The following ADAMTS20 variants were observed in gnomAD, a reference collection of about 807,000 sequenced individuals.
ADAMTS20 encodes the protein ADAM metallopeptidase with thrombospondin type 1 motif 20.
A neutral mutation model predicts 260.1 loss-of-function variants in ADAMTS20; 225 were observed. The observed-to-expected ratio is 0.87, with a 90% CI of 0.78 to 0.97. The LOEUF is 0.97. ADAMTS20 is among the 50% of genes least tolerant of loss of function. The pLI is 0.00. For synonymous variants in ADAMTS20, 802 were observed against 769.5 expected (o/e 1.04, Z -0.70); for missense variants, 2,400 against 2,337.7 (o/e 1.03, Z -0.55).
intron 28 of ADAMTS20, among the ~76,000 whole-genome samples, chr12:43,419,329 A>C (rs940908546): frequency 5.9e-5 from 9 of 152,130 alleles, no homozygotes; most frequent in Non-Finnish European, 8.8e-5. Flanking sequence ...ATTCCTAACA[A>C]GGAATAAACA....
At chr12:43,541,544 C>A (rs1943376857) in intron 2 of ADAMTS20, among the ~76,000 whole-genome samples, 1 of 152,126 alleles carries the variant, frequency 6.6e-6, no homozygotes, top group South Asian at 2.1e-4. Flanking sequence ...TAATCGAAGA[C>A]CACAAATATG....
At position 43,429,633 on chromosome 12, in the gene ADAMTS20, T is replaced by C. The variant is rs1941401086; in HGVS notation, c.3473A>G (p.His1158Arg). ...TTCACTTACTGGGGTCCAAGAACCA[T>C]GTCGCCATTGTGCCATCTTTTTTAT... ...VLIKKMAQWRHGSWTPCSVSC... is the reference protein window; with the variant it reads ...VLIKKMAQWRRGSWTPCSVSC... Residue 1158 changes from histidine (H) to arginine (R), a missense_variant, in exon 24 of 39, where the codon CAT (histidine) becomes CGT (arginine). Coordinates refer to ENST00000389420, the MANE Select transcript of ADAMTS20 (RefSeq NM_025003.5). The C allele has an allele frequency of 6.3e-7, 1 of 1,595,554 alleles. No homozygotes were observed. The highest frequency in any genetic ancestry group is 8.5e-7 in the Non-Finnish European group (1 of 1,170,070).
chr12:43,404,417 T>C (rs564986949), intron 28 of ADAMTS20, among the ~76,000 whole-genome samples: 1 of 152,324 alleles, frequency 6.6e-6, no homozygotes, highest in South Asian at 2.1e-4. Context: ...ATTTCCAACG[T>C]AATAGATATT....
chr12:43,360,732 G>C (rs1501437), intron 37 of ADAMTS20, among the ~76,000 whole-genome samples: 34,253 of 151,958 alleles, frequency 0.23, 4,621 homozygotes, highest in African/African-American at 0.37. Flanking sequence ...CATACCACTT[G>C]CAGTAACAAG....
At chr12:43,493,664 A>G (rs1420704978) in intron 4 of ADAMTS20, among the ~76,000 whole-genome samples, 2 of 152,222 alleles carry the variant, frequency 1.3e-5, no homozygotes, top group African/African-American at 2.4e-5. Context: ...TGGATGATTC[A>G]GCAAGAAATT....
At position 43,551,013 on chromosome 12, in the gene ADAMTS20, A is replaced by C; in HGVS notation, c.349T>G (p.Trp117Gly). The C allele has an allele frequency of 6.2e-7, 1 of 1,613,582 alleles. No individual in the cohort carries two copies. Among genetic ancestry groups the C allele is most frequent in the Non-Finnish European group, 8.5e-7 (1 of 1,179,716 alleles). Residue 117 changes from tryptophan to glycine, a missense_variant, in exon 2 of 39, where the codon TGG (tryptophan) becomes GGG (glycine). By Grantham distance (184) the Trp-to-Gly change is radical. Transcript: ENST00000389420. The surrounding 1 kb of genome is among the most constrained non-coding windows in gnomAD (Gnocchi z 4.6). ...VHLGTPERGA[W>G]ESDAGPSDLR... ...TCCGAGGGCCCTGCGTCGCTCTCCC[A>C]GGCCCCGCGCTCCGGGGTTCCCAAG...
chr12:43,491,191 A>G (rs999311222), intron 6 of ADAMTS20, among the ~76,000 whole-genome samples: 1 of 151,998 alleles, frequency 6.6e-6, no homozygotes, highest in African/African-American at 2.4e-5. Flanking sequence ...AGATACACAA[A>G]TGTTTACCAT....
rs760824968 is a variant in ADAMTS20 at position 43,428,610 on chromosome 12, CT to C, written c.3654+24del. The stretch of plus-strand genomic sequence containing the variant: ...CAAATATATTTAAATTTTTCATTTT[CT>C]TTTTTTCTCATAAGAATACTTACGG... On this transcript the variant is annotated intron_variant, in intron 25 of 38. Coordinates refer to ENST00000389420, the MANE Select transcript of ADAMTS20 (RefSeq NM_025003.5). 4.7e-6 allele frequency: 7 copies of C among 1,492,204 alleles called. No homozygotes were observed. The Admixed American group carries it at 1.4e-4, about 31-fold the overall frequency. 92.4% of individuals were successfully genotyped at this position (1,492,204 alleles called of 1,614,324 possible).
chr12:43,482,622 C>T (rs61926788), intron 7 of ADAMTS20, among the ~76,000 whole-genome samples: 17,492 of 152,146 alleles, frequency 0.11, 1,136 homozygotes, highest in Admixed American at 0.21. Context: ...GCTGCTTGTG[C>T]CTACATGTGG....
intron 36 of ADAMTS20, 63 bp from the exon 37 acceptor site, chr12:43,369,444 A>T (rs1228532293): frequency 1.0e-6 from 1 of 963,552 alleles, no homozygotes. Flanking sequence ...GTTGTCAAAC[A>T]CAGAGTTTTC....
chr12:43,375,321 T>G (rs1940199422), intron 36 of ADAMTS20, 58 bp downstream of exon 36: 4 of 1,563,650 alleles, frequency 2.6e-6, no homozygotes, highest in Non-Finnish European at 2.6e-6. Context: ...AACATATTGT[T>G]TGACGTTCAT....
intron 7 of ADAMTS20, among the ~76,000 whole-genome samples, chr12:43,481,184 C>T (rs1371083623): frequency 6.6e-6 from 1 of 152,168 alleles, no homozygotes; most frequent in Non-Finnish European, 1.5e-5. Flanking sequence ...AAAAATCAGA[C>T]CTTGGTGATG....
At chr12:43,531,258 G>C (rs922676585) in intron 3 of ADAMTS20, among the ~76,000 whole-genome samples, 1 of 151,764 alleles carries the variant, frequency 6.6e-6, no homozygotes, top group African/African-American at 2.4e-5. Flanking sequence ...TTTATATAAA[G>C]TTAAAACCAT....
intron 3 of ADAMTS20, among the ~76,000 whole-genome samples, chr12:43,522,757 T>C (rs1425149463): frequency 6.6e-6 from 1 of 152,182 alleles, no homozygotes; most frequent in Non-Finnish European, 1.5e-5. Flanking sequence ...TCTCATGGGT[T>C]TTTAATTGCT....
At position 43,468,623 on chromosome 12, in the gene ADAMTS20, A is replaced by C. The variant is rs770769602; in HGVS notation, c.1200T>G (p.Thr400=). 1 of 1,609,816 alleles carries C rather than the reference A, an allele frequency of 6.2e-7. No homozygotes were observed. Among genetic ancestry groups the C allele is most frequent in the Non-Finnish European group, 8.5e-7 (1 of 1,177,364 alleles). ...NEEKGLISAF[T]IAHELGHTLG... ...ACGTGTGCCCAAGCTCATGGGCTAT[A>C]GTAAAAGCAGAAATGAGTCCTTTTT... Residue 400 remains threonine (T), a synonymous_variant, in exon 8 of 39, where the codon ACT becomes ACG. Coordinates refer to ENST00000389420, the MANE Select transcript of ADAMTS20 (RefSeq NM_025003.5).
intron 22 of ADAMTS20, 121 bp downstream of exon 22, chr12:43,431,211 G>GT (rs1941435758): frequency 1.0e-6 from 1 of 972,520 alleles, no homozygotes; most frequent in Admixed American, 2.9e-5. Flanking sequence ...GGTTGCTGTT[G>GT]TTTTTTAATA....
At chr12:43,357,264 C>A (rs1189715992) in intron 37 of ADAMTS20, among the ~76,000 whole-genome samples, 1 of 152,136 alleles carries the variant, frequency 6.6e-6, no homozygotes, top group Admixed American at 6.5e-5. Context: ...AGTAGAACTG[C>A]AAACAAGTTC....
chr12:43,488,538 C>G (rs1411583541), intron 7 of ADAMTS20, among the ~76,000 whole-genome samples: 2 of 152,108 alleles, frequency 1.3e-5, no homozygotes, highest in Non-Finnish European at 2.9e-5. Context: ...ATGAATAATA[C>G]CCATTCGAGC....
intron 12 of ADAMTS20, among the ~76,000 whole-genome samples, chr12:43,453,162 T>C (rs1458357669): frequency 1.3e-5 from 2 of 152,180 alleles, no homozygotes; most frequent in Admixed American, 1.3e-4. Flanking sequence ...TTTTGACTTA[T>C]GCTGGAAAAT....
Sources: allele counts gnomAD v4.1 joint callset (sites outside exome capture counted in the v4.1 genomes callset), GRCh38; gene constraint gnomAD v4.1.1; non-coding constraint Gnocchi (gnomAD v3.1); transcripts MANE v1.5; gene names NCBI Gene and HGNC (gene_info 2026-07-23, HGNC 2026-07-21).